Variants in TMTC2 observed in about 807,000 individuals in gnomAD.
TMTC2 encodes transmembrane O-mannosyltransferase targeting cadherins 2.
A neutral mutation model predicts 82.4 loss-of-function variants in TMTC2; 43 were observed. The observed-to-expected ratio is 0.52, with a 90% CI of 0.41 to 0.67. The LOEUF is 0.67. TMTC2 is among the 30% of genes least tolerant of loss of function. TMTC2 has a pLI of 0.00. For synonymous variants in TMTC2, 408 were observed against 381.9 expected (o/e 1.07, Z -0.80); for missense variants, 919 against 1,012.4 (o/e 0.91, Z 1.25).
At chr12:83,111,307 ACATAGT>A (rs1449759520) in intron 11 of TMTC2, among the ~76,000 whole-genome samples, 4 of 152,240 alleles carry the variant, frequency 2.6e-5, no homozygotes, top group Non-Finnish European at 5.9e-5. Context: ...GTAATGGGCC[ACATAGT>A]AAATATTTCA....
chr12:83,103,605 C>A (rs1267554926), intron 11 of TMTC2, among the ~76,000 whole-genome samples: 1 of 152,174 alleles, frequency 6.6e-6, no homozygotes, highest in South Asian at 2.1e-4. Context: ...CCAAACACCT[C>A]GCAACAAGCC....
intron 1 of TMTC2, among the ~76,000 whole-genome samples, chr12:82,728,679 G>A (rs1874590544): frequency 6.6e-6 from 1 of 152,242 alleles, no homozygotes; most frequent in South Asian, 2.1e-4. Flanking sequence ...CACGCTTGAG[G>A]AGCCCTTCAG....
At chr12:82,745,989 G>A (rs1286929355) in intron 1 of TMTC2, among the ~76,000 whole-genome samples, 1 of 152,188 alleles carries the variant, frequency 6.6e-6, no homozygotes, top group Non-Finnish European at 1.5e-5. Flanking sequence ...CAGCACTCTT[G>A]AAGGTGCTGA....
intron 4 of TMTC2, among the ~76,000 whole-genome samples, chr12:82,951,702 G>T (rs556869014): frequency 6.6e-6 from 1 of 152,126 alleles, no homozygotes; most frequent in East Asian, 1.9e-4. Flanking sequence ...ATAGAATAAC[G>T]TAGCAGTATT....
chr12:82,688,748 C>G (rs1872449846), intron 1 of TMTC2, among the ~76,000 whole-genome samples: 1 of 152,200 alleles, frequency 6.6e-6, no homozygotes, highest in Non-Finnish European at 1.5e-5. Context: ...AGCAGCCTCT[C>G]TGAGCTATGA....
intron 1 of TMTC2, among the ~76,000 whole-genome samples, chr12:82,786,707 T>C (rs1878193100): frequency 6.6e-6 from 1 of 152,118 alleles, no homozygotes. Context: ...TCAACAGTGA[T>C]CTGGGCCTGG....
At chr12:82,780,685 A>T (rs1877856360) in intron 1 of TMTC2, among the ~76,000 whole-genome samples, 1 of 152,170 alleles carries the variant, frequency 6.6e-6, no homozygotes, top group Non-Finnish European at 1.5e-5. Flanking sequence ...AGAAATTTGA[A>T]CTAACACTTC....
At chr12:83,076,625 G>A (rs916308217) in intron 11 of TMTC2, among the ~76,000 whole-genome samples, 7 of 152,112 alleles carry the variant, frequency 4.6e-5, no homozygotes, top group African/African-American at 1.2e-4. Flanking sequence ...TTCCCCCATC[G>A]CCGGTCACCA....
chr12:83,039,467 T>C (rs1425592779), intron 9 of TMTC2, among the ~76,000 whole-genome samples: 4 of 152,034 alleles, frequency 2.6e-5, no homozygotes, highest in Admixed American at 2.0e-4. Flanking sequence ...GACAAATATA[T>C]ATTATATATT....
chr12:82,819,438 G>A (rs151009453), intron 1 of TMTC2, among the ~76,000 whole-genome samples: 9 of 150,994 alleles, frequency 6.0e-5, no homozygotes, highest in African/African-American at 1.2e-4. Context: ...CTTGAAATGG[G>A]ATATTCAGAA....
intron 1 of TMTC2, among the ~76,000 whole-genome samples, chr12:82,815,661 T>C (rs1330120240): frequency 6.6e-6 from 1 of 152,056 alleles, no homozygotes; most frequent in Non-Finnish European, 1.5e-5. Context: ...TATTTTTTTA[T>C]TTTTATTTTG....
Position 82,718,831 on chromosome 12 carries a change from C to T in TMTC2, c.83+31162C>T, listed in dbSNP as rs1874025227. On this transcript the variant is annotated intron_variant, in intron 1 of 11. Coordinates refer to ENST00000321196, the MANE Select transcript of TMTC2 (RefSeq NM_152588.3). The stretch of plus-strand genomic sequence containing the variant: ...CCATAGGAAAATAGGAAGTTTTAGA[C>T]AAGTTTATTAAGATTCATATAGAAA... 2.7e-5 allele frequency among the ~76,000 whole-genome samples: 4 copies of T among 149,626 alleles called. No individual in the cohort carries two copies. The Admixed American group carries it at 2.7e-4, about 10-fold the overall frequency.
At chr12:83,091,555 A>G (rs1430753378) in intron 11 of TMTC2, among the ~76,000 whole-genome samples, 2 of 152,182 alleles carry the variant, frequency 1.3e-5, no homozygotes, top group Non-Finnish European at 2.9e-5. Flanking sequence ...TCCATTTTTT[A>G]TGTTATTATT....
At chr12:82,930,361 A>G in intron 3 of TMTC2, 70 bp from the exon 4 acceptor site, 2 of 792,040 alleles carry the variant, frequency 2.5e-6, no homozygotes, top group Non-Finnish European at 4.0e-6. Context: ...GTACTTCCTG[A>G]TGGCCTGATA....
intron 8 of TMTC2, among the ~76,000 whole-genome samples, chr12:82,993,078 G>A (rs935880821): frequency 8.6e-5 from 13 of 151,998 alleles, no homozygotes; most frequent in African/African-American, 1.7e-4. Flanking sequence ...TCTGCCTCCC[G>A]GATTCAGGCG....
At chr12:82,809,439 G>A (rs540926966) in intron 1 of TMTC2, among the ~76,000 whole-genome samples, 1 of 152,178 alleles carries the variant, frequency 6.6e-6, no homozygotes, top group East Asian at 1.9e-4. Flanking sequence ...GTTTTGTAGG[G>A]TAAAGGAGAC....
chr12:82,718,723 C>A lies in TMTC2; in HGVS notation c.83+31054C>A, dbSNP rs74106273. 3.7e-3 allele frequency among the ~76,000 whole-genome samples: 564 copies of A among 152,270 alleles called. 5 individuals are homozygous for A. The highest frequency in any genetic ancestry group is 0.013 in the African/African-American group (546 of 41,550). ...TCAATGGGTACTTCTAAAACATACC[C>A]ATGCCCTATTATTTCTGATATGTTT... On this transcript the variant is annotated intron_variant, in intron 1 of 11. Transcript: ENST00000321196.
intron 9 of TMTC2, among the ~76,000 whole-genome samples, chr12:83,046,307 T>C (rs1882124598): frequency 6.6e-6 from 1 of 152,196 alleles, no homozygotes; most frequent in Non-Finnish European, 1.5e-5. Flanking sequence ...CATAAGACAC[T>C]GATTCTCAAA....
intron 11 of TMTC2, among the ~76,000 whole-genome samples, chr12:83,128,497 A>G (rs777610813): frequency 1.3e-5 from 2 of 152,110 alleles, no homozygotes; most frequent in Non-Finnish European, 2.9e-5. Context: ...TAGGTGTTCT[A>G]TCCTCCGATA....
Sources: gnomAD v4.1 joint callset for allele counts (sites outside exome capture counted in the v4.1 genomes callset) on GRCh38, gnomAD v4.1.1 for gene constraint, MANE v1.5 for transcripts, NCBI Gene and HGNC (gene_info 2026-07-23, HGNC 2026-07-21) for gene names.